The following PTBP3 variants were observed in gnomAD, a reference collection of about 807,000 sequenced individuals.
The protein encoded by PTBP3 is polypyrimidine tract binding protein 3.
A neutral mutation model predicts 58.7 loss-of-function variants in PTBP3; 20 were observed. That is an observed-to-expected ratio of 0.34 (90% CI 0.24 to 0.50). The LOEUF is 0.50. Among genes scored for constraint, PTBP3 ranks in the 20% least tolerant of loss-of-function variants. The probability of loss-of-function intolerance (pLI) is 0.98; values close to 1 mark genes in which losing one functional copy is unlikely to be tolerated. For synonymous variants in PTBP3, 185 were observed against 219.8 expected (o/e 0.84, Z 1.40); for missense variants, 509 against 637.2 (o/e 0.80, Z 2.17).
the PTBP3 span, chr9:112,362,731 C>A: frequency 4.9e-6 from 1 of 204,286 alleles, no homozygotes; most frequent in East Asian, 1.4e-4. Context: ...CCATCAGACC[C>A]CTCATGAAGC....
At chr9:112,328,138 A>G (rs1213774550) in intron 1 of PTBP3, among the ~76,000 whole-genome samples, 2 of 152,218 alleles carry the variant, frequency 1.3e-5, no homozygotes, top group Non-Finnish European at 2.9e-5. Context: ...ATAACCTGAA[A>G]TCCACTCTTG....
At chr9:112,295,795 G>C (rs1828654709) in intron 2 of PTBP3, among the ~76,000 whole-genome samples, 1 of 152,080 alleles carries the variant, frequency 6.6e-6, no homozygotes, top group Non-Finnish European at 1.5e-5. Flanking sequence ...CAAATGGAAA[G>C]ATAATACCAA....
intron 1 of PTBP3, among the ~76,000 whole-genome samples, chr9:112,313,916 G>A (rs1381201349): frequency 1.3e-5 from 2 of 152,200 alleles, no homozygotes; most frequent in East Asian, 1.9e-4. Context: ...ACCAACTGAC[G>A]ACGGAAAACA....
the PTBP3 span, among the ~76,000 whole-genome samples, chr9:112,339,066 T>A: frequency 6.6e-6 from 1 of 152,178 alleles, no homozygotes; most frequent in Non-Finnish European, 1.5e-5. Context: ...CAGCCTTTTT[T>A]ATTTAAATTC....
chr9:112,372,672 T>C, the PTBP3 span, among the ~76,000 whole-genome samples: 2 of 152,206 alleles, frequency 1.3e-5, no homozygotes, highest in Admixed American at 1.3e-4. Flanking sequence ...ATAGGTGACC[T>C]TTTGTGTCTG....
At chr9:112,290,929 T>A (rs1224345469) in intron 2 of PTBP3, among the ~76,000 whole-genome samples, 2 of 151,656 alleles carry the variant, frequency 1.3e-5, no homozygotes, top group African/African-American at 4.8e-5. Flanking sequence ...GTCAAGAATA[T>A]CCATAAATGT....
rs906996303 is a variant in PTBP3, at chr9:112,222,530, T to C, written c.*1321A>G. The stretch of plus-strand genomic sequence containing the variant: ...CCCCAAATTGATATGCAATAACCCC[T>C]ATCAGTCACAATGTAAAGAGGCCTA... On this transcript the variant is annotated 3_prime_UTR_variant, in exon 14 of 14. Transcript: ENST00000374257. The C allele has an allele frequency of 2.0e-6, 2 of 985,554 alleles. No individual in the cohort carries two copies. Among genetic ancestry groups the C allele is most frequent in the Non-Finnish European group, 2.4e-6 (2 of 829,870 alleles). 61.1% of individuals were successfully genotyped at this position (985,554 alleles called of 1,614,324 possible). A position where few individuals can be genotyped will look rare whatever the true frequency, so the allele number is the denominator to read the frequency against.
At chr9:112,373,730 A>C in the PTBP3 span, among the ~76,000 whole-genome samples, 9 of 152,394 alleles carry the variant, frequency 5.9e-5, no homozygotes, top group South Asian at 1.9e-3. Flanking sequence ...ACAATACTTA[A>C]ATGCTGACAT....
Position 112,260,279 on chromosome 9 carries a change from T to C in PTBP3, c.516+2156A>G, listed in dbSNP as rs139091241. Among the ~76,000 whole-genome samples the C allele has an allele frequency of 5.0e-3, 757 of 152,332 alleles. 4 individuals carry two copies. Among genetic ancestry groups the C allele is most frequent in the African/African-American group, 0.017 (720 of 41,564 alleles). The stretch of plus-strand genomic sequence containing the variant: ...AGTACTTTAAATGTATTAACTCATA[T>C]AATCCTCGCAATAAAAAATGAGAGA... On this transcript the variant is annotated intron_variant, in intron 5 of 13. Transcript: ENST00000374257.
chr9:112,343,594 A>G, the PTBP3 span, among the ~76,000 whole-genome samples: 1 of 152,068 alleles, frequency 6.6e-6, no homozygotes, highest in Non-Finnish European at 1.5e-5. Context: ...GTTTGAGAAC[A>G]GCCTGGCCAA....
the PTBP3 span, chr9:112,379,858 G>C: frequency 3.8e-6 from 2 of 525,066 alleles, no homozygotes; most frequent in Non-Finnish European, 3.3e-6. Context: ...GCCGACAGGA[G>C]CCTGATTGTC....
chr9:112,311,620 C>A (rs72754072), intron 1 of PTBP3, among the ~76,000 whole-genome samples: 10 of 151,656 alleles, frequency 6.6e-5, no homozygotes, highest in Non-Finnish European at 1.3e-4. Context: ...TGGATTTTGG[C>A]CCCCCCTAGA....
the PTBP3 span, among the ~76,000 whole-genome samples, chr9:112,355,916 C>A: frequency 6.6e-6 from 1 of 151,034 alleles, no homozygotes; most frequent in African/African-American, 2.4e-5. Flanking sequence ...CACACCCCAC[C>A]TGGAAATAAA....
At chr9:112,319,867 A>G (rs892317752) in intron 1 of PTBP3, among the ~76,000 whole-genome samples, 6 of 152,234 alleles carry the variant, frequency 3.9e-5, no homozygotes, top group African/African-American at 1.4e-4. Context: ...AAATCCTGTC[A>G]TGAGACAACA....
At chr9:112,340,299 A>G in the PTBP3 span, among the ~76,000 whole-genome samples, 364 of 152,310 alleles carry the variant, frequency 2.4e-3, 2 homozygotes, top group African/African-American at 8.3e-3. Flanking sequence ...ATTTCTGGTA[A>G]ACTTGCCCTA....
intron 5 of PTBP3, among the ~76,000 whole-genome samples, chr9:112,256,272 A>AATATATATACATAC (rs1260010370): frequency 6.0e-5 from 5 of 82,962 alleles, no homozygotes; most frequent in African/African-American, 4.2e-4. Context: ...AAAAAAACAA[A>AATATATATACATAC]ATATATATAT....
chr9:112,330,569 T>A, intron 1 of PTBP3: 1 of 761,244 alleles, frequency 1.3e-6, no homozygotes, highest in Non-Finnish European at 2.1e-6. Context: ...GAAAAAGCAT[T>A]ATAATAACAA....
intron 4 of PTBP3, among the ~76,000 whole-genome samples, chr9:112,264,311 C>T (rs1836713882): frequency 1.3e-5 from 2 of 152,134 alleles, no homozygotes; most frequent in Non-Finnish European, 2.9e-5. Flanking sequence ...CATCTCATGG[C>T]AGATTTATAA....
chr9:112,360,964 ACTTAAG>A, the PTBP3 span, among the ~76,000 whole-genome samples: 924 of 152,284 alleles, frequency 6.1e-3, 12 homozygotes, highest in South Asian at 7.9e-3. Flanking sequence ...TTATTTGATA[ACTTAAG>A]CTTAAAGTTG....
Sources: gnomAD v4.1 joint callset for allele counts (sites outside exome capture counted in the v4.1 genomes callset) on GRCh38, gnomAD v4.1.1 for gene constraint, MANE v1.5 for transcripts, NCBI Gene and HGNC (gene_info 2026-07-23, HGNC 2026-07-21) for gene names.